The following BBX variants were observed in gnomAD, a reference collection of about 807,000 sequenced individuals.
The protein encoded by BBX is BBX high mobility group box domain containing.
BBX carries 30 observed loss-of-function variants against 100.2 expected under a neutral mutation model. The observed-to-expected ratio is 0.30, with a 90% CI of 0.22 to 0.41. BBX has a LOEUF of 0.41. Ranked by LOEUF, BBX falls within the 10% of genes least tolerant of loss-of-function variation. The pLI is 1.00. For synonymous variants in BBX, 376 were observed against 388.1 expected (o/e 0.97, Z 0.37); for missense variants, 1,023 against 1,129.8 (o/e 0.91, Z 1.35).
At chr3:107,542,321 A>G (rs183884782) in intron 2 of BBX, among the ~76,000 whole-genome samples, 25 of 152,338 alleles carry the variant, frequency 1.6e-4, no homozygotes, top group Non-Finnish European at 2.1e-4. Context: ...GTTTATTTCT[A>G]TAGATTGTCA....
chr3:107,693,904 G>C (rs1484142785), intron 3 of BBX, among the ~76,000 whole-genome samples: 1 of 150,720 alleles, frequency 6.6e-6, no homozygotes, highest in African/African-American at 2.5e-5. Flanking sequence ...TCCTTGAAGA[G>C]GTCCTTCACA....
intron 2 of BBX, among the ~76,000 whole-genome samples, chr3:107,548,937 A>C (rs2049447777): frequency 6.6e-6 from 1 of 152,204 alleles, no homozygotes; most frequent in South Asian, 2.1e-4. Context: ...GGAGCTAAAC[A>C]TTGAATACAC....
At chr3:107,649,649 T>TTA (rs77195735) in intron 3 of BBX, among the ~76,000 whole-genome samples, 74,865 of 151,834 alleles carry the variant, frequency 0.49, 19,883 homozygotes, top group East Asian at 0.92. Flanking sequence ...TAAAATGTGT[T>TTA]TGTTTTTAAA....
intron 3 of BBX, among the ~76,000 whole-genome samples, chr3:107,652,167 G>T (rs1232116528): frequency 6.8e-6 from 1 of 146,016 alleles, no homozygotes; most frequent in Non-Finnish European, 1.5e-5. Flanking sequence ...TAACTTGTGG[G>T]ATATTGATAT....
intron 13 of BBX, among the ~76,000 whole-genome samples, chr3:107,783,548 T>C (rs1253964138): frequency 6.6e-6 from 1 of 152,110 alleles, no homozygotes; most frequent in Non-Finnish European, 1.5e-5. Context: ...TTTATATCAT[T>C]CTTCCTATGA....
At chr3:107,576,857 A>G (rs947808221) in intron 2 of BBX, among the ~76,000 whole-genome samples, 2 of 151,794 alleles carry the variant, frequency 1.3e-5, no homozygotes, top group African/African-American at 2.4e-5. Flanking sequence ...GAAGATATTT[A>G]TTTATTTATT....
chr3:107,771,338 T>G (rs771462667), intron 10 of BBX, among the ~76,000 whole-genome samples: 1 of 152,192 alleles, frequency 6.6e-6, no homozygotes. Flanking sequence ...TATTAAAGTT[T>G]CAAGGTATCT....
intron 10 of BBX, among the ~76,000 whole-genome samples, chr3:107,757,753 T>G (rs989019066): frequency 5.9e-5 from 9 of 152,220 alleles, no homozygotes; most frequent in Non-Finnish European, 1.2e-4. Flanking sequence ...TATTCATTTT[T>G]CATTCACAAA....
intron 10 of BBX, among the ~76,000 whole-genome samples, chr3:107,769,025 G>A (rs770251297): frequency 2.6e-4 from 39 of 150,906 alleles, no homozygotes; most frequent in South Asian, 6.4e-4. Flanking sequence ...GGGGGGAGCC[G>A]GGCATAGTGG....
At chr3:107,537,477 A>G (rs985430452) in intron 2 of BBX, among the ~76,000 whole-genome samples, 4 of 152,208 alleles carry the variant, frequency 2.6e-5, no homozygotes, top group Admixed American at 2.0e-4. Context: ...CTAGCCCAAT[A>G]TGGGATTCCG....
At chr3:107,595,432 T>C (rs1006309580) in intron 2 of BBX, among the ~76,000 whole-genome samples, 1 of 152,224 alleles carries the variant, frequency 6.6e-6, no homozygotes, top group Non-Finnish European at 1.5e-5. Flanking sequence ...CTTCTGGGAA[T>C]GAACCTGAGG....
At chr3:107,527,301 A>G (rs186984048) in intron 2 of BBX, among the ~76,000 whole-genome samples, 39 of 152,316 alleles carry the variant, frequency 2.6e-4, no homozygotes, top group Admixed American at 1.9e-3. Context: ...AATCAGCTGT[A>G]GTGCTTTGTA....
At chr3:107,678,630 G>C (rs549824625) in intron 3 of BBX, among the ~76,000 whole-genome samples, 2 of 152,162 alleles carry the variant, frequency 1.3e-5, no homozygotes, top group Non-Finnish European at 2.9e-5. Flanking sequence ...AGACTGAGGT[G>C]GGAAGATCAC....
At chr3:107,584,638 A>G in intron 2 of BBX, among the ~76,000 whole-genome samples, 1 of 133,948 alleles carries the variant, frequency 7.5e-6, no homozygotes, top group Middle Eastern at 3.7e-3. Flanking sequence ...GGGGTGGGGA[A>G]GGCTTCTTTA....
At chr3:107,696,789 G>T (rs1232779048) in intron 3 of BBX, among the ~76,000 whole-genome samples, 3 of 151,566 alleles carry the variant, frequency 2.0e-5, no homozygotes, top group Non-Finnish European at 4.4e-5. Context: ...ATCCTGCAGA[G>T]TGTTTTCCAA....
intron 13 of BBX, among the ~76,000 whole-genome samples, chr3:107,786,419 A>G (rs1230977905): frequency 6.6e-6 from 1 of 152,190 alleles, no homozygotes; most frequent in African/African-American, 2.4e-5. Flanking sequence ...ATGGTAATCA[A>G]GAGAGTGTTG....
chr3:107,560,775 A>G (rs1359578625), intron 2 of BBX, among the ~76,000 whole-genome samples: 1 of 152,194 alleles, frequency 6.6e-6, no homozygotes, highest in African/African-American at 2.4e-5. Flanking sequence ...TGGATAGTCT[A>G]TTCTTCAAAA....
chr3:107,640,065 T>A (rs1264854622), intron 2 of BBX, among the ~76,000 whole-genome samples: 2 of 152,210 alleles, frequency 1.3e-5, no homozygotes, highest in African/African-American at 2.4e-5. Context: ...ATTTATAATA[T>A]CTTCTAATAA....
chr3:107,741,709 C>T (rs949987027), intron 7 of BBX, among the ~76,000 whole-genome samples: 1 of 152,078 alleles, frequency 6.6e-6, no homozygotes, highest in Non-Finnish European at 1.5e-5. Context: ...GTGTGGCCCA[C>T]CTAATAAAAA....
Sources: gnomAD v4.1 joint callset for allele counts (sites outside exome capture counted in the v4.1 genomes callset) on GRCh38, gnomAD v4.1.1 for gene constraint, MANE v1.5 for transcripts, NCBI Gene and HGNC (gene_info 2026-07-23, HGNC 2026-07-21) for gene names.